Variants in LMO7 observed in about 807,000 individuals in gnomAD.
LMO7 encodes LIM domain 7, also known as LIM domain only protein 7.
LMO7 carries 120 observed loss-of-function variants against 206.5 expected under a neutral mutation model. The observed-to-expected ratio is 0.58, with a 90% CI of 0.50 to 0.68. The LOEUF (loss-of-function observed/expected upper bound fraction) is 0.68, where lower values mean the gene tolerates loss of function less well. LMO7 is among the 30% of genes least tolerant of loss of function. The probability of loss-of-function intolerance (pLI) is 0.00; values close to 1 mark genes in which losing one functional copy is unlikely to be tolerated. For synonymous variants in LMO7, 706 were observed against 681.5 expected (o/e 1.04, Z -0.56); for missense variants, 1,959 against 1,957.9 (o/e 1.00, Z -0.01).
At chr13:75,805,167 C>G (rs530716429) in intron 8 of LMO7, 40 of 1,161,632 alleles carry the variant, frequency 3.4e-5, no homozygotes, top group Non-Finnish European at 4.1e-5. Context: ...AATACTTGTC[C>G]TGGATCTGGC....
At chr13:75,757,298 C>A (rs2047752729) in intron 3 of LMO7, among the ~76,000 whole-genome samples, 1 of 152,156 alleles carries the variant, frequency 6.6e-6, no homozygotes, top group South Asian at 2.1e-4. Flanking sequence ...CAATTACAAC[C>A]TAATGAAGGG....
chr13:75,851,533 C>G (rs867033402), intron 27 of LMO7, among the ~76,000 whole-genome samples: 22 of 152,184 alleles, frequency 1.4e-4, no homozygotes, highest in Middle Eastern at 6.8e-3. Flanking sequence ...AGTCTTTCTC[C>G]TTATGATAAT....
intron 25 of LMO7, 87 bp from the exon 26 acceptor site, chr13:75,845,240 A>G (rs530806877): frequency 3.7e-4 from 238 of 641,254 alleles, no homozygotes; most frequent in Non-Finnish European, 5.3e-4. Flanking sequence ...CTGCTTTAAA[A>G]AGCAATCTCT....
intron 14 of LMO7, among the ~76,000 whole-genome samples, chr13:75,822,083 G>A (rs748390712): frequency 3.9e-4 from 59 of 152,074 alleles, no homozygotes; most frequent in Non-Finnish European, 7.6e-4. Flanking sequence ...TATATCTTAC[G>A]TTTATATATA....
At chr13:75,730,269 T>C (rs963580132) in intron 3 of LMO7, among the ~76,000 whole-genome samples, 1 of 152,242 alleles carries the variant, frequency 6.6e-6, no homozygotes, top group Non-Finnish European at 1.5e-5. Flanking sequence ...GGACTCTTTT[T>C]GGTTGGTAAG....
At chr13:75,801,237 CAAA>C (rs200955354) in intron 7 of LMO7, among the ~76,000 whole-genome samples, 1 of 113,416 alleles carries the variant, frequency 8.8e-6, no homozygotes, top group Non-Finnish European at 1.9e-5. Context: ...TAAGATTCTG[CAAA>C]AAAAAAAAAA....
rs376132503 is a variant in LMO7 at position 75,729,064 on chromosome 13, G to A, written c.210+1966G>A. 3.3e-3 allele frequency among the ~76,000 whole-genome samples: 504 copies of A among 152,192 alleles called. 5 individuals are homozygous for A. Among genetic ancestry groups the A allele is most frequent in the Non-Finnish European group, 5.2e-3 (354 of 68,008 alleles). ...ATAGTTTGAGGTCAGGTAGCGTGAT[G>A]CCTCCAGCTTTGTTCTTTTGGCTTA... On this transcript the variant is annotated intron_variant, in intron 3 of 30. Coordinates refer to ENST00000377534, the MANE Select transcript of LMO7 (RefSeq NM_001306080.2).
chr13:75,763,067 T>C (rs1190652505), intron 4 of LMO7, among the ~76,000 whole-genome samples: 1 of 152,184 alleles, frequency 6.6e-6, no homozygotes, highest in African/African-American at 2.4e-5. Context: ...CTCCTTTGGG[T>C]CAAAATTCTT....
intron 1 of LMO7, among the ~76,000 whole-genome samples, chr13:75,683,064 C>CTTTTTTTTTT (rs1025775588): frequency 5.1e-5 from 7 of 137,640 alleles, no homozygotes; most frequent in Admixed American, 7.3e-5. Flanking sequence ...CTTTTTTTTT[C>CTTTTTTTTTT]TTTTTTTTTT....
rs696777 is a variant in LMO7 at position 75,782,458 on chromosome 13, A to C, written c.318-12943A>C. Among the ~76,000 whole-genome samples the C allele has an allele frequency of 2.0e-5, 3 of 152,334 alleles. No homozygotes were observed. In the South Asian group the frequency reaches 6.2e-4, roughly 32 times the overall value. On this transcript the variant is annotated intron_variant, in intron 4 of 30. Coordinates refer to ENST00000377534, the MANE Select transcript of LMO7 (RefSeq NM_001306080.2). ...CTCTGTAAAATGTGAATAACACTGA[A>C]TATAGAACTGCATTGGTGATAAAAT...
intron 3 of LMO7, among the ~76,000 whole-genome samples, chr13:75,750,377 CTTTTTTTT>C (rs34407423): frequency 1.1e-5 from 1 of 93,384 alleles, no homozygotes; most frequent in Non-Finnish European, 2.0e-5. Context: ...CTGGGGGATC[CTTTTTTTT>C]TTTTTTTTTT....
At position 75,801,844 on chromosome 13, in the gene LMO7, A is replaced by C. The variant is rs539112739; in HGVS notation, c.661+962A>C. Among the ~76,000 whole-genome samples, 10 of 152,304 alleles carry C rather than the reference A, an allele frequency of 6.6e-5. No individual in the cohort carries two copies. The East Asian group carries it at 9.6e-4, about 15-fold the overall frequency. On this transcript the variant is annotated intron_variant, in intron 7 of 30. Coordinates refer to ENST00000377534, the MANE Select transcript of LMO7 (RefSeq NM_001306080.2). Reference sequence around the variant, plus strand: ...TTTTTCCTAGCATATCTATGACAAAAATGTCAAAAATCAGCAAACTTAAAA... The same window carrying C: ...TTTTTCCTAGCATATCTATGACAAACATGTCAAAAATCAGCAAACTTAAAA...
intron 4 of LMO7, among the ~76,000 whole-genome samples, chr13:75,762,339 G>A (rs1339925487): frequency 6.6e-6 from 1 of 152,100 alleles, no homozygotes; most frequent in Non-Finnish European, 1.5e-5. Flanking sequence ...ATATTTGGGT[G>A]TATTTGTTTT....
At chr13:75,628,512 A>G (rs764979100) in intron 2 of LMO7, 1 of 152,160 alleles carries the variant, frequency 6.6e-6, no homozygotes, top group Non-Finnish European at 1.5e-5. Flanking sequence ...TGTGGGTAGA[A>G]ATGGGGTAGA....
intron 1 of LMO7, among the ~76,000 whole-genome samples, chr13:75,670,437 T>C (rs1466825717): frequency 1.3e-5 from 2 of 152,202 alleles, no homozygotes; most frequent in African/African-American, 2.4e-5. Flanking sequence ...TACACAAACA[T>C]AGATGGTGTA....
chr13:75,732,866 G>T (rs2045393911), intron 3 of LMO7, among the ~76,000 whole-genome samples: 2 of 152,206 alleles, frequency 1.3e-5, no homozygotes. Context: ...CTGCAGGTCT[G>T]TTGGAGTTTG....
intron 1 of LMO7, among the ~76,000 whole-genome samples, chr13:75,663,116 ATG>A (rs2038754152): frequency 6.6e-6 from 1 of 152,000 alleles, no homozygotes; most frequent in African/African-American, 2.4e-5. Context: ...TGCTAATTAA[ATG>A]TATAAGTTTT....
intron 6 of LMO7, among the ~76,000 whole-genome samples, chr13:75,800,237 G>C (rs1353359134): frequency 6.6e-6 from 1 of 152,200 alleles, no homozygotes; most frequent in Admixed American, 6.5e-5. Context: ...CCTGGAGATA[G>C]AGTGAATATA....
intron 1 of LMO7, among the ~76,000 whole-genome samples, chr13:75,637,177 G>C (rs2035998731): frequency 5.3e-5 from 8 of 151,700 alleles, no homozygotes; most frequent in Admixed American, 5.3e-4. Flanking sequence ...TCAGTGTGGA[G>C]GGGGGGAGCG....
Sources: gnomAD v4.1 joint callset for allele counts (sites outside exome capture counted in the v4.1 genomes callset) on GRCh38, gnomAD v4.1.1 for gene constraint, MANE v1.5 for transcripts, NCBI Gene and HGNC (gene_info 2026-07-23, HGNC 2026-07-21) for gene names.